The following SETD1B variants were observed in gnomAD, a reference collection of about 807,000 sequenced individuals.
SETD1B encodes SET domain containing 1B, histone lysine methyltransferase, also known as histone-lysine N-methyltransferase SETD1B.
Under a neutral mutation model 148.0 loss-of-function variants are expected in SETD1B, and 7 were observed. The ratio of observed to expected loss-of-function variants is 0.05; its 90% CI spans 0.03 to 0.09. The LOEUF (loss-of-function observed/expected upper bound fraction) is 0.09. Ranked by LOEUF, SETD1B falls within the 10% of genes least tolerant of loss-of-function variation. The pLI, the probability that SETD1B is intolerant of heterozygous loss-of-function variation, is 1.00. For missense variants in SETD1B, 2,155 were observed against 2,729.9 expected (o/e 0.79, Z 4.69); for synonymous variants, 1,361 against 1,186.5 (o/e 1.15, Z -3.02).
intron 5 of SETD1B, among the ~76,000 whole-genome samples, chr12:121,809,246 C>T (rs1875894066): frequency 6.6e-6 from 1 of 152,158 alleles, no homozygotes; most frequent in African/African-American, 2.4e-5. Context: ...CTCTCGTGCA[C>T]AAGATTGTAG....
chr12:121,826,113 G>A (rs2137586253), intron 13 of SETD1B, among the ~76,000 whole-genome samples: 1 of 152,074 alleles, frequency 6.6e-6, no homozygotes, highest in African/African-American at 2.4e-5. Context: ...GTCTCACTCT[G>A]TAGCCCAAGC....
chr12:121,793,590 G>T, the SETD1B span: 1 of 1,552,558 alleles, frequency 6.4e-7, no homozygotes, highest in South Asian at 1.2e-5. Flanking sequence ...CTTCCTGCCC[G>T]GACCGGGGGC....
rs546627663 is a variant in SETD1B at position 121,808,572 on chromosome 12, C to T, written c.657+252C>T. On this transcript the variant is annotated intron_variant, in intron 5 of 16. Coordinates refer to ENST00000604567, the MANE Select transcript of SETD1B (RefSeq NM_001353345.2). This position sits in a 1 kb window ranked among gnomAD's most constrained non-coding sequence, Gnocchi z 5.3. ...ATTGGTTCTGTTTCCTGTGGCTTCT[C>T]CCCTCCCCAGCACAGGCTGTGATTC... is the stretch of plus-strand genomic sequence containing the variant. 1.1e-3 allele frequency among the ~76,000 whole-genome samples: 167 copies of T among 152,348 alleles called. 2 individuals carry two copies. The highest frequency in any genetic ancestry group is 4.6e-3 in the East Asian group (24 of 5,186).
In SETD1B at chr12:121,817,661, G is replaced by C; in HGVS notation, c.3269G>C (p.Arg1090Thr). Residue 1090 changes from arginine (R) to threonine (T), a missense_variant, in exon 9 of 17, where the codon AGG (arginine) becomes ACG (threonine). Coordinates refer to ENST00000604567, the MANE Select transcript of SETD1B (RefSeq NM_001353345.2). The surrounding 1 kb of genome is among the most constrained non-coding windows in gnomAD (Gnocchi z 8.1). ...GAGGAGGAGGAGGAGGAAGTCCCCAGGAGCCAGCTCTCCTCCTCCTCAACC... is the reference window on the plus strand; with the variant it reads ...GAGGAGGAGGAGGAGGAAGTCCCCACGAGCCAGCTCTCCTCCTCCTCAACC... ...AEEEEEEEVP[R>T]SQLSSSSTSS... is the part of the protein sequence containing the mutation. 2 of 1,550,914 alleles carry C rather than the reference G, an allele frequency of 1.3e-6. No individual in the cohort carries two copies.
upstream of SETD1B, chr12:121,803,395 T>C (rs975667022): frequency 2.0e-5 from 3 of 152,292 alleles, no homozygotes; most frequent in African/African-American, 7.2e-5. This position sits in a 1 kb window ranked among gnomAD's most constrained non-coding sequence, Gnocchi z 4.7. Flanking sequence ...AGAAGGCGTC[T>C]ATCGCCCAGG....
chr12:121,809,672 G>A lies in SETD1B; in HGVS notation c.727G>A (p.Val243Ile). 2 of 1,551,628 alleles carry A rather than the reference G, an allele frequency of 1.3e-6. No homozygotes were observed. Among genetic ancestry groups the A allele is most frequent in the Non-Finnish European group, 1.7e-6 (2 of 1,146,998 alleles). The change falls in exon 6 of 17, where the codon GTC (valine) becomes ATC (isoleucine). Residue 243 changes from valine to isoleucine, a missense_variant. Val to Ile is a conservative substitution (Grantham distance 29, BLOSUM62 3). Coordinates refer to ENST00000604567, the MANE Select transcript of SETD1B (RefSeq NM_001353345.2). Reference sequence around the variant, plus strand: ...AGGCTGTGGCTCCGGCTCCTCCTCTGTCACCCCCAATAGCGGTGGGACACC... The same window carrying A: ...AGGCTGTGGCTCCGGCTCCTCCTCTATCACCCCCAATAGCGGTGGGACACC... Reference protein sequence around the residue: ...SAGCGSGSSSVTPNSGGTPFS... With the variant: ...SAGCGSGSSSITPNSGGTPFS...
Position 121,814,091 on chromosome 12 carries a change from C to G in SETD1B, c.1891-15C>G. ...TCCAGACTCACCTCACTGTCTCTCC[C>G]TGCTCTCTCTGCAGGGCCAGCAGTC... is the stretch of plus-strand genomic sequence containing the variant. On this transcript the variant is annotated splice_polypyrimidine_tract_variant and intron_variant, in intron 6 of 16. Coordinates refer to ENST00000604567, the MANE Select transcript of SETD1B (RefSeq NM_001353345.2). 2 of 1,544,536 alleles carry G rather than the reference C, an allele frequency of 1.3e-6. No individual in the cohort carries two copies. Among genetic ancestry groups the G allele is most frequent in the Non-Finnish European group, 1.7e-6 (2 of 1,144,408 alleles).
Position 121,832,352 on chromosome 12 carries a change from G to C in SETD1B, c.*2113G>C, listed in dbSNP as rs1434697877. ...GTTTGCAATAATCAAGATATGTGTCGAGTCATTTTTCTTTCAACTCCCTCA... is the reference window on the plus strand; with the variant it reads ...GTTTGCAATAATCAAGATATGTGTCCAGTCATTTTTCTTTCAACTCCCTCA... On this transcript the variant is annotated 3_prime_UTR_variant, in exon 17 of 17. Transcript: ENST00000604567. 3 of 154,138 alleles carry C rather than the reference G, an allele frequency of 1.9e-5. No homozygotes were observed. The highest frequency in any genetic ancestry group is 7.2e-5 in the African/African-American group (3 of 41,420). The allele number at this position is 154,138 out of a possible 1,614,324, so 9.5% of individuals were successfully genotyped here. A position where few individuals can be genotyped will look rare whatever the true frequency, so the allele number is the denominator to read the frequency against.
chr12:121,821,173 G>T (rs1440376077), intron 11 of SETD1B, among the ~76,000 whole-genome samples: 1 of 152,142 alleles, frequency 6.6e-6, no homozygotes, highest in East Asian at 1.9e-4. Flanking sequence ...TCAATACTAA[G>T]CCTCTATTGT....
At chr12:121,806,519 G>C (rs536305385) in intron 4 of SETD1B, among the ~76,000 whole-genome samples, 5 of 152,134 alleles carry the variant, frequency 3.3e-5, no homozygotes, top group Non-Finnish European at 5.9e-5. Context: ...TCAAGAGAAG[G>C]TCTGAAAACT....
At chr12:121,824,258 A>G (rs1417683287) in intron 12 of SETD1B, among the ~76,000 whole-genome samples, 2 of 152,228 alleles carry the variant, frequency 1.3e-5, no homozygotes, top group Non-Finnish European at 2.9e-5. Flanking sequence ...CCAGGCTTTC[A>G]TGAGGCTTGG....
chr12:121,798,973 G>A, the SETD1B span, among the ~76,000 whole-genome samples: 3 of 152,228 alleles, frequency 2.0e-5, no homozygotes, highest in East Asian at 3.8e-4. Context: ...TACCAGGCTA[G>A]GGGCTGGAGT....
the SETD1B span, chr12:121,797,394 G>T: frequency 2.2e-6 from 1 of 449,332 alleles, no homozygotes; most frequent in South Asian, 1.6e-5. Flanking sequence ...CCGGTGGGCG[G>T]GGCGCCCTCG....
In SETD1B at chr12:121,830,132, C is replaced by T; in HGVS notation, c.5794C>T (p.His1932Tyr). 6.4e-7 allele frequency: 1 copy of T among 1,551,482 alleles called. No homozygotes were observed. Among genetic ancestry groups the T allele is most frequent in the South Asian group, 1.2e-5 (1 of 84,066 alleles). The change falls in exon 17 of 17, where the codon CAC becomes TAC. Residue 1932 changes from histidine to tyrosine, a missense_variant. Coordinates refer to ENST00000604567, the MANE Select transcript of SETD1B (RefSeq NM_001353345.2). This position sits in a 1 kb window ranked among gnomAD's most constrained non-coding sequence, Gnocchi z 5.7. Reference protein sequence around the residue: ...QKKIVIYSKQHINVNEEITYD... With the variant: ...QKKIVIYSKQYINVNEEITYD... ...GAAGATAGTCATCTACTCGAAGCAG[C>T]ACATTAACGTCAATGAGGAGATTAC...
chr12:121,792,897 G>T, the SETD1B span, among the ~76,000 whole-genome samples: 4 of 152,238 alleles, frequency 2.6e-5, no homozygotes, highest in Admixed American at 2.0e-4. Flanking sequence ...GGAGAGGAAC[G>T]AGCTGTGGGC....
Position 121,823,783 on chromosome 12 carries a change from T to G in SETD1B, c.5170+34T>G. 13 of 1,512,656 alleles carry G rather than the reference T, an allele frequency of 8.6e-6. 1 individual carries two copies. The highest frequency in any genetic ancestry group is 1.2e-5 in the Non-Finnish European group (13 of 1,126,056). 93.7% of individuals were successfully genotyped at this position (1,512,656 alleles called of 1,614,324 possible). ...CTGGCATGGGGGGCTCTGCACCTTC[T>G]GGGATGCAGGAAGTCCCTGCTCACC... is the stretch of plus-strand genomic sequence containing the variant. On this transcript the variant is annotated intron_variant, in intron 12 of 16. Coordinates refer to ENST00000604567, the MANE Select transcript of SETD1B (RefSeq NM_001353345.2).
chr12:121,823,992 T>C (rs1218027595), intron 12 of SETD1B, among the ~76,000 whole-genome samples: 1 of 152,184 alleles, frequency 6.6e-6, no homozygotes, highest in Non-Finnish European at 1.5e-5. Flanking sequence ...AGTTAGCAGG[T>C]CTCAGGGTCA....
chr12:121,828,041 T>C lies in SETD1B; in HGVS notation c.5698T>C (p.Phe1900Leu). 1 of 1,552,240 alleles carries C rather than the reference T, an allele frequency of 6.4e-7. No homozygotes were observed. The highest frequency in any genetic ancestry group is 8.7e-7 in the Non-Finnish European group (1 of 1,147,190). ...TIIDATKCGN[F>L]ARFINHSCNP... Reference sequence around the variant, plus strand: ...CATCGACGCCACCAAGTGCGGCAACTTCGCGCGCTTCATCAACCACAGCTG... The same window carrying C: ...CATCGACGCCACCAAGTGCGGCAACCTCGCGCGCTTCATCAACCACAGCTG... Residue 1900 changes from phenylalanine to leucine, a missense_variant, in exon 16 of 17, where the codon TTC (phenylalanine) becomes CTC (leucine). Phe to Leu is a conservative substitution (Grantham distance 22, BLOSUM62 0). Transcript: ENST00000604567.
In SETD1B at chr12:121,807,182, C is replaced by T. The variant is rs546662125; in HGVS notation, c.545-1026C>T. The stretch of plus-strand genomic sequence containing the variant: ...CTAAGCCGGTGCCGGGGGGTGGTGG[C>T]AGTTATTCCACGCACACTTGCCGAG... On this transcript the variant is annotated intron_variant, in intron 4 of 16. Transcript: ENST00000604567. Among the ~76,000 whole-genome samples, 9 of 152,162 alleles carry T rather than the reference C, an allele frequency of 5.9e-5. No homozygotes were observed. The East Asian group carries it at 1.2e-3, about 20-fold the overall frequency.
Sources: gnomAD v4.1 joint callset for allele counts (sites outside exome capture counted in the v4.1 genomes callset) on GRCh38, gnomAD v4.1.1 for gene constraint, Gnocchi (gnomAD v3.1) non-coding constraint, MANE v1.5 for transcripts, NCBI Gene and HGNC (gene_info 2026-07-23, HGNC 2026-07-21) for gene names.